COPS3: variants seen among roughly 807,000 people sequenced by gnomAD.
COPS3 encodes the protein COP9 signalosome subunit 3.
In COPS3, 10 loss-of-function variants were observed where a neutral mutation model predicts 58.2. The ratio of observed to expected loss-of-function variants is 0.17; its 90% CI spans 0.11 to 0.29. COPS3 has a LOEUF of 0.29. COPS3 is among the 10% of genes least tolerant of loss of function. COPS3 has a pLI of 1.00. For synonymous variants in COPS3, 187 were observed against 181.7 expected, an observed-to-expected ratio of 1.03 and a Z score of -0.24; for missense variants, 333 against 510.1, an observed-to-expected ratio of 0.65 and a Z score of 3.34.
chr17:17,252,068 CAA>C (rs906559290), intron 9 of COPS3, among the ~76,000 whole-genome samples: 2 of 137,242 alleles, frequency 1.5e-5, no homozygotes, highest in East Asian at 2.1e-4. Flanking sequence ...GACTCCGTCT[CAA>C]AAAAAAAAAG....
At position 17,262,062 on chromosome 17, in the gene COPS3, T is replaced by G; in HGVS notation, c.666A>C (p.Glu222Asp). 6.2e-7 allele frequency: 1 copy of G among 1,611,898 alleles called. No homozygotes were observed. Residue 222 changes from glutamate (E) to aspartate (D), a missense_variant, in exon 7 of 12, where the codon GAA (glutamate) becomes GAC (aspartate). Glu to Asp is a conservative substitution (Grantham distance 45, BLOSUM62 2). Transcript: ENST00000268717. Reference sequence around the variant, plus strand: ...ACACTAAAATATACTTTTTATATGATTCCAACATGATATGACTGACCGCCA... The same window carrying G: ...ACACTAAAATATACTTTTTATATGAGTCCAACATGATATGACTGACCGCCA... ...PAMAVSHIML[E>D]SYKKYILVSL...
At chr17:17,274,656 C>T (rs1476587009) in intron 2 of COPS3, among the ~76,000 whole-genome samples, 1 of 152,002 alleles carries the variant, frequency 6.6e-6, no homozygotes, top group Non-Finnish European at 1.5e-5. Context: ...AACTCCTGAA[C>T]TTGTGATCCA....
intron 4 of COPS3, 35 bp from the exon 5 acceptor site, chr17:17,268,012 C>A: frequency 6.2e-7 from 1 of 1,609,568 alleles, no homozygotes; most frequent in Non-Finnish European, 8.5e-7. Flanking sequence ...GATAAGTTCT[C>A]AAAGATGGCA....
chr17:17,250,630 T>C (rs542825850), intron 9 of COPS3, among the ~76,000 whole-genome samples: 1 of 152,356 alleles, frequency 6.6e-6, no homozygotes, highest in African/African-American at 2.4e-5. Context: ...GGGAATTATT[T>C]GACTGATCCT....
intron 4 of COPS3, among the ~76,000 whole-genome samples, chr17:17,269,097 G>C (rs990417016): frequency 2.0e-5 from 3 of 152,104 alleles, no homozygotes; most frequent in African/African-American, 7.2e-5. Context: ...GGCTGAAGCA[G>C]GCGGATCACC....
At chr17:17,277,254 C>A (rs772705922) in intron 1 of COPS3, among the ~76,000 whole-genome samples, 7 of 152,132 alleles carry the variant, frequency 4.6e-5, no homozygotes, top group African/African-American at 1.7e-4. Flanking sequence ...CTCTCTGCCT[C>A]GCATGGGACT....
chr17:17,251,985 C>A (rs201137030), intron 9 of COPS3, among the ~76,000 whole-genome samples: 2 of 151,878 alleles, frequency 1.3e-5, no homozygotes, highest in Non-Finnish European at 1.5e-5. Flanking sequence ...AGGAGAATGG[C>A]GTGAACCTGG....
chr17:17,251,636 T>C (rs1413110334), intron 9 of COPS3, among the ~76,000 whole-genome samples: 1 of 152,136 alleles, frequency 6.6e-6, no homozygotes, highest in Non-Finnish European at 1.5e-5. Flanking sequence ...ACTGGAACAT[T>C]GTAGCCCTGA....
Position 17,267,893 on chromosome 17 carries a change from G to C in COPS3, c.433C>G (p.Leu145Val), listed in dbSNP as rs1271730785. The C allele has an allele frequency of 1.2e-6, 2 of 1,613,728 alleles. No individual in the cohort carries two copies. Among genetic ancestry groups the C allele is most frequent in the African/African-American group, 1.3e-5 (1 of 74,920 alleles). The change falls in exon 5 of 12, where the codon CTC (leucine) becomes GTC (valine). Residue 145 changes from leucine to valine, a missense_variant. By Grantham distance (32) the Leu-to-Val change is conservative (BLOSUM62 1). Coordinates refer to ENST00000268717, the MANE Select transcript of COPS3 (RefSeq NM_003653.4). Reference protein sequence around the residue: ...TNQLTSIHADLCQLCLLAKCF... With the variant: ...TNQLTSIHADVCQLCLLAKCF... Reference sequence around the variant, plus strand: ...ACACTTTGGTTGCTTACCTGGCAGAGATCAGCATGTATTGAGGTCAGCTGG... The same window carrying C: ...ACACTTTGGTTGCTTACCTGGCAGACATCAGCATGTATTGAGGTCAGCTGG...
chr17:17,270,691 G>T, intron 4 of COPS3, 67 bp downstream of exon 4: 1 of 1,355,836 alleles, frequency 7.4e-7, no homozygotes, highest in Non-Finnish European at 1.0e-6. Context: ...TCTTGATAAA[G>T]TAATTCATTG....
chr17:17,257,936 TGA>T (rs1184322923), intron 8 of COPS3, among the ~76,000 whole-genome samples: 21 of 152,198 alleles, frequency 1.4e-4, no homozygotes, highest in Non-Finnish European at 1.2e-4. Context: ...CATCACCTAC[TGA>T]TACAGTCTAC....
chr17:17,248,213 A>G (rs1302437162), intron 10 of COPS3, among the ~76,000 whole-genome samples: 3 of 152,250 alleles, frequency 2.0e-5, no homozygotes, highest in African/African-American at 7.2e-5. Flanking sequence ...GGGAATAGAT[A>G]AAGTTATACT....
intron 2 of COPS3, among the ~76,000 whole-genome samples, chr17:17,272,063 G>A (rs910709923): frequency 6.6e-5 from 10 of 151,616 alleles, no homozygotes; most frequent in Non-Finnish European, 1.0e-4. Flanking sequence ...GGGCAGATGG[G>A]CAGATCACAA....
At chr17:17,263,177 A>C (rs1185664642) in intron 6 of COPS3, among the ~76,000 whole-genome samples, 2 of 151,040 alleles carry the variant, frequency 1.3e-5, no homozygotes, top group Non-Finnish European at 2.9e-5. Context: ...AGTTCCAGCT[A>C]GTCACGAGGC....
At chr17:17,254,151 A>T (rs945021186) in intron 9 of COPS3, among the ~76,000 whole-genome samples, 3 of 151,724 alleles carry the variant, frequency 2.0e-5, no homozygotes, top group African/African-American at 7.3e-5. Context: ...AAAAAATACA[A>T]AAATTAGTCA....
At chr17:17,249,349 G>T (rs2047789663) in intron 9 of COPS3, among the ~76,000 whole-genome samples, 1 of 151,674 alleles carries the variant, frequency 6.6e-6, no homozygotes. Flanking sequence ...TATTTGAGAT[G>T]GAGTCTCGCT....
rs1252448799 is a variant in COPS3, at chr17:17,261,655, T to C, written c.762+311A>G. On this transcript the variant is annotated intron_variant, in intron 7 of 11. Coordinates refer to ENST00000268717, the MANE Select transcript of COPS3 (RefSeq NM_003653.4). ...CAGAAGGACTGCTTGAGGCCAGGAG[T>C]TCAACACCAACCTGGCCAACATAGC... The C allele has an allele frequency of 1.4e-5, 6 of 431,796 alleles. No individual in the cohort carries two copies. In the Admixed American group the frequency reaches 1.5e-4, roughly 11 times the overall value. 26.7% of individuals were successfully genotyped at this position (431,796 alleles called of 1,614,324 possible). A position where few individuals can be genotyped will look rare whatever the true frequency, so the allele number is the denominator to read the frequency against.
intron 10 of COPS3, among the ~76,000 whole-genome samples, chr17:17,248,475 C>T (rs1412550171): frequency 6.6e-6 from 1 of 152,086 alleles, no homozygotes; most frequent in Non-Finnish European, 1.5e-5. Flanking sequence ...CCACCACACC[C>T]GGCTGATTTT....
rs768571627 is a variant in COPS3, at chr17:17,264,895, A to G, written c.528T>C (p.Tyr176=). 2.5e-6 allele frequency: 4 copies of G among 1,613,948 alleles called. No homozygotes were observed. The highest frequency in any genetic ancestry group is 1.1e-5 in the South Asian group (1 of 91,070). ...AGTAACATAAAAAGTGTTTTGCATCATAGGCTCCATTCTCTTTACAGATAT... is the reference window on the plus strand; with the variant it reads ...AGTAACATAAAAAGTGTTTTGCATCGTAGGCTCCATTCTCTTTACAGATAT... The part of the protein sequence containing the change: ...MMDICKENGA[Y]DAKHFLCYYY... The change falls in exon 6 of 12, where the codon TAT becomes TAC. Residue 176 remains tyrosine (Y), a synonymous_variant. Coordinates refer to ENST00000268717, the MANE Select transcript of COPS3 (RefSeq NM_003653.4).
Sources: gnomAD v4.1 joint callset for allele counts (sites outside exome capture counted in the v4.1 genomes callset) on GRCh38, gnomAD v4.1.1 for gene constraint, MANE v1.5 for transcripts, NCBI Gene and HGNC (gene_info 2026-07-23, HGNC 2026-07-21) for gene names.